Variants in TTLL12 observed in about 807,000 individuals in gnomAD.
The protein encoded by TTLL12 is tubulin--tyrosine ligase-like protein 12.
Under a neutral mutation model 79.6 loss-of-function variants are expected in TTLL12, and 77 were observed. That is an observed-to-expected ratio of 0.97 (90% CI 0.81 to 1.17). The LOEUF is 1.17. TTLL12 is among the 50% of genes most tolerant of loss of function. The probability of loss-of-function intolerance (pLI) is 0.00; values close to 1 mark genes in which losing one functional copy is unlikely to be tolerated. For missense variants in TTLL12, 969 were observed against 895.9 expected (o/e 1.08, Z -1.04); for synonymous variants, 437 against 376.1 (o/e 1.16, Z -1.87).
At chr22:43,182,501 AG>A (rs1388236560) in intron 2 of TTLL12, among the ~76,000 whole-genome samples, 1 of 152,190 alleles carries the variant, frequency 6.6e-6, no homozygotes, top group East Asian at 1.9e-4. Flanking sequence ...CCCTGGGGGC[AG>A]GAAGCCTGGG....
At chr22:43,172,009 G>A in intron 10 of TTLL12, 109 bp from the exon 11 acceptor site, 1 of 894,814 alleles carries the variant, frequency 1.1e-6, no homozygotes, top group Non-Finnish European at 1.8e-6. Context: ...CTCAGGGCAG[G>A]ACCACCTGCT....
At chr22:43,175,990 A>G (rs1439756611) in intron 6 of TTLL12, among the ~76,000 whole-genome samples, 2 of 149,018 alleles carry the variant, frequency 1.3e-5, no homozygotes, top group Non-Finnish European at 3.0e-5. Context: ...GCCTGGCCTC[A>G]TAGGTGAGGT....
rs1931651155 is a variant in TTLL12, at chr22:43,167,636, C to G, written c.*372G>C. Reference sequence around the variant, plus strand: ...GCTCCCGAGGACACCTTGTCTCGCTCCACGGAACCCTTCCCCCAGCACCCC... The same window carrying G: ...GCTCCCGAGGACACCTTGTCTCGCTGCACGGAACCCTTCCCCCAGCACCCC... On this transcript the variant is annotated 3_prime_UTR_variant, in exon 14 of 14. Transcript: ENST00000216129. 2.0e-5 allele frequency: 4 copies of G among 198,638 alleles called. No homozygotes were observed. 12.3% of individuals were successfully genotyped at this position (198,638 alleles called of 1,614,324 possible). A position where few individuals can be genotyped will look rare whatever the true frequency, so the allele number is the denominator to read the frequency against.
At chr22:43,171,038 C>T (rs910076705) in intron 11 of TTLL12, among the ~76,000 whole-genome samples, 10 of 152,182 alleles carry the variant, frequency 6.6e-5, no homozygotes, top group Admixed American at 2.0e-4. Context: ...GTTCAGGGGT[C>T]GGGGAGCGTT....
chr22:43,172,747 G>C (rs1931800138), intron 9 of TTLL12, among the ~76,000 whole-genome samples, 193 bp from the exon 10 acceptor site: 1 of 151,740 alleles, frequency 6.6e-6, no homozygotes, highest in South Asian at 2.1e-4. Context: ...GCCCAAGCTG[G>C]AGTGCGGTGG....
chr22:43,177,523 C>T (rs550168580), intron 5 of TTLL12, among the ~76,000 whole-genome samples: 1 of 152,304 alleles, frequency 6.6e-6, no homozygotes, highest in South Asian at 2.1e-4. Context: ...AGGGTTGCTT[C>T]TGCAACAAGG....
chr22:43,182,258 C>A (rs1031653088), intron 2 of TTLL12, among the ~76,000 whole-genome samples: 1 of 152,210 alleles, frequency 6.6e-6, no homozygotes, highest in Admixed American at 6.5e-5. Context: ...CTGAAGGGGA[C>A]GGTGAGCCCA....
chr22:43,171,254 C>T (rs1931756870), intron 11 of TTLL12, among the ~76,000 whole-genome samples: 1 of 152,230 alleles, frequency 6.6e-6, no homozygotes, highest in Non-Finnish European at 1.5e-5. Flanking sequence ...GGCTGGCCAG[C>T]TCTGGTTTCT....
rs569120631 is a variant in TTLL12 at position 43,170,613 on chromosome 22, A to G, written c.1576-1045T>C. On this transcript the variant is annotated intron_variant, in intron 11 of 13. Transcript: ENST00000216129. ...CCGTTGAATAAGATGATATTTACAT[A>G]AAAACCTAAGTAGGAGGCCGGGCAT... Among the ~76,000 whole-genome samples the G allele has an allele frequency of 9.1e-4, 138 of 152,346 alleles. No homozygotes were observed. The Middle Eastern group carries it at 0.02, about 23-fold the overall frequency.
At position 43,179,481 on chromosome 22, in the gene TTLL12, C is replaced by T. The variant is rs182638568; in HGVS notation, c.840+138G>A. The T allele has an allele frequency of 2.4e-4, 308 of 1,264,226 alleles. 11 individuals carry two copies. In the Admixed American group the frequency reaches 8.7e-3, roughly 36 times the overall value. The allele number at this position is 1,264,226 out of a possible 1,614,324, so 78.3% of individuals were successfully genotyped here. On this transcript the variant is annotated intron_variant, in intron 5 of 13. Coordinates refer to ENST00000216129, the MANE Select transcript of TTLL12 (RefSeq NM_015140.4). ...CTGAGCCCCTCGTCTCTCAGAGGCT[C>T]CCAAAACTCTATGCCTCCCACGGTA...
rs774841476 is a variant in TTLL12, at chr22:43,173,782, C to G, written c.1274G>C (p.Arg425Pro). 1 of 1,604,764 alleles carries G rather than the reference C, an allele frequency of 6.2e-7. No individual in the cohort carries two copies. Among genetic ancestry groups the G allele is most frequent in the African/African-American group, 1.3e-5 (1 of 74,868 alleles). ...HWICKPWNLA[R>P]SLDTHVTKSL... ...CTTGGTGACGTGGGTGTCCAGGCTG[C>G]GCGCCAGGTTCCAGGGCTTGCAGAT... Residue 425 changes from arginine to proline, a missense_variant, in exon 9 of 14, where the codon CGC becomes CCC. Arg to Pro is a moderately radical substitution (Grantham distance 103, BLOSUM62 -2). Coordinates refer to ENST00000216129, the MANE Select transcript of TTLL12 (RefSeq NM_015140.4).
At chr22:43,179,537 T>G (rs978419831) in intron 5 of TTLL12, 82 bp downstream of exon 5, 2 of 1,429,034 alleles carry the variant, frequency 1.4e-6, no homozygotes, top group South Asian at 1.5e-5. Context: ...CCGGCTGGGG[T>G]TTGATAACAT....
At chr22:43,176,270 C>G in intron 6 of TTLL12, 50 bp downstream of exon 6, 2 of 1,351,384 alleles carry the variant, frequency 1.5e-6, no homozygotes, top group Non-Finnish European at 2.1e-6. Flanking sequence ...GCATGGGAGG[C>G]GGGGACTGCG....
At chr22:43,182,015 A>G (rs1371359410) in intron 2 of TTLL12, among the ~76,000 whole-genome samples, 1 of 102,182 alleles carries the variant, frequency 9.8e-6, no homozygotes, top group African/African-American at 5.7e-5. Context: ...CCGGAAGCAG[A>G]AAGGCCCGGA....
intron 5 of TTLL12, 138 bp downstream of exon 5, chr22:43,179,481 C>G: frequency 6.3e-6 from 8 of 1,264,238 alleles, no homozygotes; most frequent in Non-Finnish European, 8.4e-6. Flanking sequence ...CTCAGAGGCT[C>G]CCAAAACTCT....
chr22:43,185,987 T>C (rs1932173541), intron 1 of TTLL12: 3 of 985,460 alleles, frequency 3.0e-6, no homozygotes, highest in Non-Finnish European at 3.6e-6. Flanking sequence ...GGAAGGTTCC[T>C]AGTCCAATCA....
At chr22:43,178,882 C>T (rs543004691) in intron 5 of TTLL12, among the ~76,000 whole-genome samples, 24 of 152,338 alleles carry the variant, frequency 1.6e-4, no homozygotes, top group Admixed American at 7.8e-4. Flanking sequence ...GAGTGGCACA[C>T]GCCCACAAAG....
chr22:43,169,408 A>G, intron 12 of TTLL12, 92 bp downstream of exon 12: 2 of 1,136,918 alleles, frequency 1.8e-6, no homozygotes, highest in Non-Finnish European at 2.5e-6. Context: ...CTCCCAGCCC[A>G]TGCCAGCAGA....
chr22:43,179,780 A>AG, intron 4 of TTLL12, 28 bp from the exon 5 acceptor site: 6 of 1,548,432 alleles, frequency 3.9e-6, no homozygotes, highest in Non-Finnish European at 5.2e-6. Flanking sequence ...TGCCCATCAG[A>AG]GGGGGTGACG....
Sources: gnomAD v4.1 joint callset for allele counts (sites outside exome capture counted in the v4.1 genomes callset) on GRCh38, gnomAD v4.1.1 for gene constraint, MANE v1.5 for transcripts, NCBI Gene and HGNC (gene_info 2026-07-23, HGNC 2026-07-21) for gene names.